Variants in FREM2 observed in about 807,000 individuals in gnomAD.
The protein encoded by FREM2 is FRAS1-related extracellular matrix protein 2.
FREM2 carries 119 observed loss-of-function variants against 219.9 expected under a neutral mutation model. That is an observed-to-expected ratio of 0.54 (90% CI 0.47 to 0.63). The LOEUF is 0.63. FREM2 is among the 30% of genes least tolerant of loss of function. The probability of loss-of-function intolerance (pLI) is 0.00; values close to 1 mark genes in which losing one functional copy is unlikely to be tolerated. For synonymous variants in FREM2, 1,562 were observed against 1,522.8 expected (o/e 1.03, Z -0.60); for missense variants, 4,030 against 3,993.6 (o/e 1.01, Z -0.25).
Position 38,754,245 on chromosome 13 carries a change from G to A in FREM2, c.5264-10059G>A, listed in dbSNP as rs186778446. Among the ~76,000 whole-genome samples the A allele has an allele frequency of 1.2e-3, 186 of 152,138 alleles. 1 individual carries two copies. Among genetic ancestry groups the A allele is most frequent in the Non-Finnish European group, 2.8e-4 (19 of 67,990 alleles). On this transcript the variant is annotated intron_variant, in intron 2 of 23. Transcript: ENST00000280481. ...AATCCATCTCAAATATTTATTAACC[G>A]GCTTTCATACCCTTTGCTTTGTCAC...
At chr13:38,807,210 T>TATATATATATATATATATAG (rs1875274184) in intron 6 of FREM2, among the ~76,000 whole-genome samples, 1 of 113,478 alleles carries the variant, frequency 8.8e-6, no homozygotes, top group Non-Finnish European at 1.8e-5. Context: ...TATATATATA[T>TATATATATATATATATATAG]ATATATATAT....
intron 6 of FREM2, among the ~76,000 whole-genome samples, chr13:38,843,014 A>C (rs536908767): frequency 7.2e-4 from 110 of 152,316 alleles, no homozygotes; most frequent in Non-Finnish European, 1.0e-3. Flanking sequence ...CAAGGGATAG[A>C]GTGTAGAGTT....
intron 2 of FREM2, among the ~76,000 whole-genome samples, chr13:38,737,893 A>AT (rs1006662430): frequency 3.3e-5 from 5 of 152,336 alleles, no homozygotes; most frequent in African/African-American, 1.2e-4. Flanking sequence ...GTAAGCTGGC[A>AT]TTTTAGGAAG....
intron 6 of FREM2, among the ~76,000 whole-genome samples, chr13:38,817,127 G>A (rs894741569): frequency 4.6e-5 from 7 of 152,028 alleles, no homozygotes; most frequent in Non-Finnish European, 7.4e-5. Flanking sequence ...GTCATAAAAT[G>A]GCCAAACTAC....
At chr13:38,812,368 T>C (rs1242029486) in intron 6 of FREM2, among the ~76,000 whole-genome samples, 1 of 152,156 alleles carries the variant, frequency 6.6e-6, no homozygotes, top group African/African-American at 2.4e-5. Context: ...GGTTGTCGGG[T>C]CTTTTCTTCT....
Position 38,850,089 on chromosome 13 carries a change from G to C in FREM2, c.6431G>C (p.Gly2144Ala), listed in dbSNP as rs755334909. Reference sequence around the variant, plus strand: ...ATATATACTGGCAGCGAAAGTGATGGGCAGATAGTTACAATGATCCATAGG... The same window carrying C: ...ATATATACTGGCAGCGAAAGTGATGCGCAGATAGTTACAATGATCCATAGG... ...ERIYTGSESD[G>A]QIVTMIHRTG... Residue 2144 changes from glycine to alanine, a missense_variant, in exon 9 of 24, where the codon GGG (glycine) becomes GCG (alanine). By Grantham distance (60) the Gly-to-Ala change is moderately conservative (BLOSUM62 0). Transcript: ENST00000280481. The C allele has an allele frequency of 1.5e-5, 25 of 1,613,886 alleles. No homozygotes were observed. The highest frequency in any genetic ancestry group is 1.6e-4 in the Middle Eastern group (1 of 6,082).
intron 6 of FREM2, among the ~76,000 whole-genome samples, chr13:38,805,877 A>G (rs1472427726): frequency 6.6e-6 from 1 of 151,944 alleles, no homozygotes; most frequent in Non-Finnish European, 1.5e-5. Flanking sequence ...GCCCTTTTAA[A>G]TAAGCTGTTA....
At chr13:38,720,562 T>TA (rs1378361858) in intron 2 of FREM2, among the ~76,000 whole-genome samples, 1 of 152,130 alleles carries the variant, frequency 6.6e-6, no homozygotes, top group Non-Finnish European at 1.5e-5. Context: ...CACACCCTTA[T>TA]AAAATCAGGT....
rs1486881602 is a variant in FREM2, at chr13:38,691,881, G to A, written c.4537G>A (p.Asp1513Asn). 3.7e-6 allele frequency: 6 copies of A among 1,614,118 alleles called. No homozygotes were observed. The highest frequency in any genetic ancestry group is 3.3e-5 in the Admixed American group (2 of 60,030). Residue 1513 changes from aspartate (D) to asparagine (N), a missense_variant, in exon 1 of 24, where the codon GAT (aspartate) becomes AAT (asparagine). This residue lies in a region of FREM2 where 3,102 missense variants were observed against 2,950.7 expected (regional missense o/e 1.05). Coordinates refer to ENST00000280481, the MANE Select transcript of FREM2 (RefSeq NM_207361.6). ...KMDSFEFQVT[D>N]GRNPVFRTFR... ...GGACAGTTTTGAGTTTCAAGTCACC[G>A]ATGGACGTAACCCTGTCTTTCGGAC...
chr13:38,753,629 A>G (rs1872866519), intron 2 of FREM2, among the ~76,000 whole-genome samples: 1 of 152,260 alleles, frequency 6.6e-6, no homozygotes, highest in Non-Finnish European at 1.5e-5. Context: ...TGTTAAAATG[A>G]CAAAATTAGC....
At chr13:38,718,172 T>A (rs932064884) in intron 2 of FREM2, among the ~76,000 whole-genome samples, 4 of 152,370 alleles carry the variant, frequency 2.6e-5, no homozygotes, top group Non-Finnish European at 5.9e-5. Flanking sequence ...AATATAGATC[T>A]ACAGTTGTTT....
rs756426681 is a variant in FREM2, at chr13:38,688,782, C to T, written c.1438C>T (p.Arg480Trp). 80 of 1,613,886 alleles carry T rather than the reference C, an allele frequency of 5.0e-5. No individual in the cohort carries two copies. The highest frequency in any genetic ancestry group is 1.6e-4 in the Middle Eastern group (1 of 6,084). ...CGATGAGGATGACCTAGAAGCAGTG[C>T]GGCTAGAGGTGGTGGCTGGGCTCCG... ...ISDEDDLEAVRLEVVAGLRHG... is the reference protein window; with the variant it reads ...ISDEDDLEAVWLEVVAGLRHG... The change falls in exon 1 of 24, where the codon CGG (arginine) becomes TGG (tryptophan). Residue 480 changes from arginine to tryptophan, a missense_variant. This residue lies in a region of FREM2 where 3,102 missense variants were observed against 2,950.7 expected (regional missense o/e 1.05). Transcript: ENST00000280481.
chr13:38,803,515 G>A (rs1415654106), intron 6 of FREM2, among the ~76,000 whole-genome samples: 7 of 151,932 alleles, frequency 4.6e-5, no homozygotes, highest in East Asian at 1.9e-4. Flanking sequence ...ATCTGACATC[G>A]ATGTCTTTGG....
rs908107058 is a variant in FREM2, at chr13:38,769,777, C to T, written c.5610C>T (p.Val1870=). Reference sequence around the variant, plus strand: ...TGGCTGCCTTGGAATTCCCCACAGTCGCCACTGTTGAGATCGTTGATCCAG... The same window carrying T: ...TGGCTGCCTTGGAATTCCCCACAGTTGCCACTGTTGAGATCGTTGATCCAG... ...PVLAALEFPT[V]ATVEIVDPGD... Residue 1870 remains valine (V), a synonymous_variant, in exon 4 of 24, where the codon GTC becomes GTT. Coordinates refer to ENST00000280481, the MANE Select transcript of FREM2 (RefSeq NM_207361.6). 32 of 1,613,754 alleles carry T rather than the reference C, an allele frequency of 2.0e-5. No homozygotes were observed. Among genetic ancestry groups the T allele is most frequent in the South Asian group, 8.8e-5 (8 of 91,048 alleles).
At chr13:38,787,611 AAT>A (rs1445718502) in intron 6 of FREM2, among the ~76,000 whole-genome samples, 2 of 152,088 alleles carry the variant, frequency 1.3e-5, no homozygotes, top group Non-Finnish European at 2.9e-5. Context: ...AAAAGAAAAA[AAT>A]AAGTAAGTGT....
intron 2 of FREM2, among the ~76,000 whole-genome samples, chr13:38,759,585 G>A (rs1012487753): frequency 1.3e-5 from 2 of 152,184 alleles, no homozygotes; most frequent in Non-Finnish European, 2.9e-5. Flanking sequence ...CAGAGCATTT[G>A]GGAGTGTGGT....
chr13:38,689,748 T>A lies in FREM2; in HGVS notation c.2404T>A (p.Phe802Ile), dbSNP rs770553967. Residue 802 changes from phenylalanine to isoleucine, a missense_variant, in exon 1 of 24, where the codon TTC becomes ATC. By Grantham distance (21) the Phe-to-Ile change is conservative. Around this residue, in one of 2 missense-constraint regions of FREM2, gnomAD observed 3,102 missense variants for 2,950.7 expected, o/e 1.05. Transcript: ENST00000280481. ...ELGVATRVAQ[F>I]QFQVEDRAGN... The stretch of plus-strand genomic sequence containing the variant: ...GGGCGTGGCTACTCGAGTGGCCCAG[T>A]TCCAGTTCCAGGTGGAAGACCGAGC... 9.9e-6 allele frequency: 16 copies of A among 1,613,182 alleles called. No homozygotes were observed. The highest frequency in any genetic ancestry group is 2.7e-5 in the African/African-American group (2 of 74,884).
At chr13:38,738,594 GAGAT>G (rs1173227718) in intron 2 of FREM2, among the ~76,000 whole-genome samples, 16 of 141,556 alleles carry the variant, frequency 1.1e-4, no homozygotes, top group Non-Finnish European at 2.2e-4. Flanking sequence ...AAAAAAAAGA[GAGAT>G]AGAAAAAAAA....
At chr13:38,807,205 A>ATATATATATG (rs1875272963) in intron 6 of FREM2, among the ~76,000 whole-genome samples, 1 of 106,248 alleles carries the variant, frequency 9.4e-6, no homozygotes, top group Admixed American at 9.5e-5. Flanking sequence ...ATATATATAT[A>ATATATATATG]TATATATATA....
Sources: gnomAD v4.1 joint callset for allele counts (sites outside exome capture counted in the v4.1 genomes callset) on GRCh38, gnomAD v4.1.1 for gene constraint, gnomAD v4.1.1 regional missense constraint, MANE v1.5 for transcripts, NCBI Gene and HGNC (gene_info 2026-07-23, HGNC 2026-07-21) for gene names.